The following TIMD4 variants were observed in gnomAD, a reference collection of about 807,000 sequenced individuals.
TIMD4 encodes T cell immunoglobulin and mucin domain containing 4.
A neutral mutation model predicts 41.2 loss-of-function variants in TIMD4; 31 were observed. The ratio of observed to expected loss-of-function variants is 0.75; its 90% CI spans 0.57 to 1.01. The LOEUF (loss-of-function observed/expected upper bound fraction) is 1.01, where lower values mean the gene tolerates loss of function less well. Among genes scored for constraint, TIMD4 ranks in the 50% least tolerant of loss-of-function variants. TIMD4 has a pLI of 0.00. For synonymous variants in TIMD4, 204 were observed against 177.1 expected, an observed-to-expected ratio of 1.15 and a Z score of -1.21; for missense variants, 479 against 472.5, an observed-to-expected ratio of 1.01 and a Z score of -0.13.
chr5:156,947,672 G>T (rs1222596339), intron 5 of TIMD4, among the ~76,000 whole-genome samples: 1 of 152,216 alleles, frequency 6.6e-6, no homozygotes, highest in Non-Finnish European at 1.5e-5. Context: ...AAAACAAAAT[G>T]CAGAATGCTG....
chr5:156,921,616 CAAAAAAAAAAAAA>C (rs66842169), intron 7 of TIMD4, among the ~76,000 whole-genome samples: 96 of 47,272 alleles, frequency 2.0e-3, no homozygotes, highest in Admixed American at 1.7e-3. Flanking sequence ...GAGACTCTCT[CAAAAAAAAAAAAA>C]AAAAAAAAAA....
Position 156,926,244 on chromosome 5 carries a change from T to A in TIMD4, c.894+19A>T, listed in dbSNP as rs749815651. The A allele has an allele frequency of 6.2e-7, 1 of 1,612,342 alleles. No homozygotes were observed. The highest frequency in any genetic ancestry group is 2.2e-5 in the East Asian group (1 of 44,840). ...TACTATTTAAGTGATATACTGCAAA[T>A]ACTTCACAGATTTTTTACCTGTCCT... is the stretch of plus-strand genomic sequence containing the variant. On this transcript the variant is annotated intron_variant, in intron 6 of 8. Coordinates refer to ENST00000274532, the MANE Select transcript of TIMD4 (RefSeq NM_138379.3).
intron 3 of TIMD4, among the ~76,000 whole-genome samples, chr5:156,950,646 CAAGTCACTCAGT>C (rs1245599343): frequency 6.6e-6 from 1 of 152,130 alleles, no homozygotes; most frequent in Non-Finnish European, 1.5e-5. Context: ...AGCAATGGAG[CAAGTCACTCAGT>C]GAGAGGTACA....
chr5:156,925,146 T>TA (rs1428979889), intron 6 of TIMD4, among the ~76,000 whole-genome samples: 2 of 152,046 alleles, frequency 1.3e-5, no homozygotes, highest in Non-Finnish European at 2.9e-5. Context: ...ACATCTCTGT[T>TA]AAAAATATAA....
intron 5 of TIMD4, among the ~76,000 whole-genome samples, chr5:156,927,632 T>C (rs1245255222): frequency 6.6e-6 from 1 of 152,086 alleles, no homozygotes; most frequent in African/African-American, 2.4e-5. Flanking sequence ...TCAGAGCTAG[T>C]AAAACCAAAG....
rs549728170 is a variant in TIMD4 at position 156,946,625 on chromosome 5, C to T, written c.844+1791G>A. On this transcript the variant is annotated intron_variant, in intron 5 of 8. Transcript: ENST00000274532. Reference sequence around the variant, plus strand: ...TCGAGTAGCTAGGACTACGGGCGCCCGCCACCACGTCCACCTAATTTTTTT... The same window carrying T: ...TCGAGTAGCTAGGACTACGGGCGCCTGCCACCACGTCCACCTAATTTTTTT... 2.4e-3 allele frequency among the ~76,000 whole-genome samples: 371 copies of T among 151,932 alleles called. 2 individuals are homozygous for T. The highest frequency in any genetic ancestry group is 3.4e-3 in the African/African-American group (142 of 41,482).
At chr5:156,920,581 C>T (rs1759218472) in intron 7 of TIMD4, 78 bp from the exon 8 acceptor site, 3 of 1,491,106 alleles carry the variant, frequency 2.0e-6, no homozygotes, top group Non-Finnish European at 2.8e-6. Flanking sequence ...AATTCCAGTG[C>T]TGCCCCGCAA....
chr5:156,923,614 C>T (rs779230606), intron 6 of TIMD4, among the ~76,000 whole-genome samples: 3 of 151,870 alleles, frequency 2.0e-5, no homozygotes, highest in Non-Finnish European at 4.4e-5. Flanking sequence ...TTACAGCTCA[C>T]TGCAACCTTG....
chr5:156,956,772 A>G (rs1394862419), intron 1 of TIMD4, among the ~76,000 whole-genome samples: 4 of 152,334 alleles, frequency 2.6e-5, no homozygotes, highest in South Asian at 2.1e-4. Flanking sequence ...TGTTGAGACC[A>G]CACCCTGCTC....
chr5:156,958,617 A>G (rs1581636778), intron 1 of TIMD4, among the ~76,000 whole-genome samples: 1 of 152,242 alleles, frequency 6.6e-6, no homozygotes, highest in Admixed American at 6.5e-5. Context: ...ATGAATTGTT[A>G]TAGCCACACT....
intron 5 of TIMD4, among the ~76,000 whole-genome samples, chr5:156,929,357 T>A (rs564376905): frequency 6.6e-6 from 1 of 152,288 alleles, no homozygotes; most frequent in East Asian, 1.9e-4. Flanking sequence ...ATGAGTAGCA[T>A]AGTATCACTA....
At chr5:156,925,744 C>T (rs1759335599) in intron 6 of TIMD4, among the ~76,000 whole-genome samples, 1 of 152,198 alleles carries the variant, frequency 6.6e-6, no homozygotes, top group Admixed American at 6.5e-5. Context: ...AAAGTATTGG[C>T]ACATACAGAT....
chr5:156,933,599 ACT>A (rs1759484113), intron 5 of TIMD4, among the ~76,000 whole-genome samples: 1 of 147,698 alleles, frequency 6.8e-6, no homozygotes, highest in East Asian at 2.1e-4. Context: ...ACAGAGTCTC[ACT>A]CTGTCTCCCA....
In TIMD4 at chr5:156,951,641, G is replaced by C. The variant is rs761975019; in HGVS notation, c.550C>G (p.Gln184Glu). Residue 184 changes from glutamine (Q) to glutamate (E), a missense_variant, in exon 3 of 9, where the codon CAG becomes GAG. Coordinates refer to ENST00000274532, the MANE Select transcript of TIMD4 (RefSeq NM_138379.3). Reference sequence around the variant, plus strand: ...GTGAAGACGGCAATGGTTGTCATCTGGAGTGGTGTTCCGGTTGTGAGATCG... The same window carrying C: ...GTGAAGACGGCAATGGTTGTCATCTCGAGTGGTGTTCCGGTTGTGAGATCG... ...TPDLTTGTPL[Q>E]MTTIAVFTTA... is the part of the protein sequence containing the mutation. 2 of 1,614,184 alleles carry C rather than the reference G, an allele frequency of 1.2e-6. No individual in the cohort carries two copies. Among genetic ancestry groups the C allele is most frequent in the Non-Finnish European group, 1.7e-6 (2 of 1,180,028 alleles).
intron 2 of TIMD4, among the ~76,000 whole-genome samples, chr5:156,953,056 T>G (rs4704727): frequency 0.64 from 97,159 of 152,116 alleles, 31,670 homozygotes; most frequent in East Asian, 0.86. Context: ...CAAATTTCCA[T>G]TGACTCTAAT....
intron 5 of TIMD4, among the ~76,000 whole-genome samples, chr5:156,939,885 C>G (rs1759607775): frequency 1.3e-5 from 2 of 152,208 alleles, no homozygotes; most frequent in South Asian, 4.1e-4. Flanking sequence ...TCTTCCACAC[C>G]CTTGCCACAG....
chr5:156,934,511 C>G (rs999962577), intron 5 of TIMD4, among the ~76,000 whole-genome samples: 3 of 152,048 alleles, frequency 2.0e-5, no homozygotes, highest in Non-Finnish European at 2.9e-5. Context: ...AGGCTGGTCT[C>G]AAACTCCTGG....
At position 156,919,541 on chromosome 5, in the gene TIMD4, C is replaced by G. The variant is rs374424870; in HGVS notation, c.1053G>C (p.Arg351Ser). 174 of 1,613,022 alleles carry G rather than the reference C, an allele frequency of 1.1e-4. No individual in the cohort carries two copies. The highest frequency in any genetic ancestry group is 1.6e-4 in the Middle Eastern group (1 of 6,072). ...TTTTACTATCTCCAATGTAGTCTAG[C>G]CTGTAAACAGAAAAGAGGGGCTCAT... ...METYCSQKHTRLDYIGDSKNV... is the reference protein window; with the variant it reads ...METYCSQKHTSLDYIGDSKNV... Residue 351 changes from arginine (R) to serine (S), a missense_variant and splice_region_variant, in exon 9 of 9, where the codon AGG (arginine) becomes AGC (serine). Transcript: ENST00000274532.
chr5:156,944,495 CTTTTTTTTTTTTT>C (rs5872492), intron 5 of TIMD4, among the ~76,000 whole-genome samples: 11 of 69,116 alleles, frequency 1.6e-4, no homozygotes, highest in African/African-American at 1.8e-4. Flanking sequence ...GCTGTGTGAT[CTTTTTTTTTTTTT>C]TTTTTTTTTT....
Sources: gnomAD v4.1 joint callset for allele counts (sites outside exome capture counted in the v4.1 genomes callset) on GRCh38, gnomAD v4.1.1 for gene constraint, MANE v1.5 for transcripts, NCBI Gene and HGNC (gene_info 2026-07-23, HGNC 2026-07-21) for gene names.